TRAM1: variants seen among roughly 807,000 people sequenced by gnomAD.
TRAM1 encodes translocating chain-associated membrane protein 1.
In TRAM1, 17 loss-of-function variants were observed where a neutral mutation model predicts 48.7. The ratio of observed to expected loss-of-function variants is 0.35; its 90% CI spans 0.24 to 0.52. TRAM1 has a LOEUF of 0.52. Among genes scored for constraint, TRAM1 ranks in the 20% least tolerant of loss-of-function variants. TRAM1 has a pLI of 0.94. For missense variants in TRAM1, 351 were observed against 441.5 expected (o/e 0.79, Z 1.84); for synonymous variants, 182 against 154.0 (o/e 1.18, Z -1.34).
intron 6 of TRAM1, 113 bp from the exon 7 acceptor site, chr8:70,587,289 G>A: frequency 1.0e-6 from 1 of 980,804 alleles, no homozygotes; most frequent in Non-Finnish European, 1.5e-6. Context: ...TTGGACTCAA[G>A]AGAACCCCCA....
intron 10 of TRAM1, among the ~76,000 whole-genome samples, chr8:70,579,096 T>C (rs1166864902): frequency 6.6e-6 from 1 of 152,264 alleles, no homozygotes; most frequent in African/African-American, 2.4e-5. Context: ...TATACAGTCA[T>C]GCATCACTTA....
chr8:70,592,635 A>T (rs1817390853), intron 6 of TRAM1, among the ~76,000 whole-genome samples: 1 of 152,230 alleles, frequency 6.6e-6, no homozygotes, highest in South Asian at 2.1e-4. Flanking sequence ...GTCCCTTCTT[A>T]CTTACCATAG....
intron 10 of TRAM1, among the ~76,000 whole-genome samples, chr8:70,575,885 T>C (rs1816935938): frequency 6.6e-6 from 1 of 151,966 alleles, no homozygotes; most frequent in Admixed American, 6.6e-5. Flanking sequence ...AAGACCAGCC[T>C]GGCCAACGTG....
Position 70,582,604 on chromosome 8 carries a change from C to CT in TRAM1, c.1051+559dup, listed in dbSNP as rs556228444. 4.4e-4 allele frequency among the ~76,000 whole-genome samples: 67 copies of CT among 150,948 alleles called. 1 individual carries two copies. Among genetic ancestry groups the CT allele is most frequent in the African/African-American group, 1.6e-3 (65 of 41,140 alleles). On this transcript the variant is annotated intron_variant, in intron 10 of 10. Transcript: ENST00000262213. ...AGGAGTAAACCAGAGTGGACATACT[C>CT]TAAAAACTTCCTGTGTTATAGTTCT...
intron 6 of TRAM1, among the ~76,000 whole-genome samples, chr8:70,592,058 T>C (rs1056672734): frequency 6.6e-6 from 1 of 152,188 alleles, no homozygotes; most frequent in African/African-American, 2.4e-5. Context: ...CAATTATAGG[T>C]ATGTATAATT....
chr8:70,573,701 T>A lies in TRAM1; in HGVS notation c.*1231A>T, dbSNP rs1816870963. 1 of 152,472 alleles carries A rather than the reference T, an allele frequency of 6.6e-6. No individual in the cohort carries two copies. Among genetic ancestry groups the A allele is most frequent in the Admixed American group, 6.6e-5 (1 of 15,256 alleles). 9.4% of individuals were successfully genotyped at this position (152,472 alleles called of 1,614,324 possible). On this transcript the variant is annotated 3_prime_UTR_variant, in exon 11 of 11. Transcript: ENST00000262213. ...AACAGCTGGTGACACAAGTGAGAAATGGGGAACAAGATGTGAACACTGAAA... is the reference window on the plus strand; with the variant it reads ...AACAGCTGGTGACACAAGTGAGAAAAGGGGAACAAGATGTGAACACTGAAA...
Position 70,600,062 on chromosome 8 carries a change from G to T in TRAM1, c.144C>A (p.Ile48=), listed in dbSNP as rs759342148. The stretch of plus-strand genomic sequence containing the variant: ...CATTGTACTGAAGAGTAACAAAAAT[G>T]ATAGAAGCTTTTGCCGTTATCTACA... The part of the protein sequence containing the change: ...LMFEITAKAS[I]IFVTLQYNVT... Residue 48 remains isoleucine (I), a synonymous_variant, in exon 2 of 11, where the codon ATC becomes ATA. Transcript: ENST00000262213. 2 of 1,613,772 alleles carry T rather than the reference G, an allele frequency of 1.2e-6. No individual in the cohort carries two copies. Among genetic ancestry groups the T allele is most frequent in the Non-Finnish European group, 1.7e-6 (2 of 1,179,744 alleles).
intron 8 of TRAM1, 102 bp from the exon 9 acceptor site, chr8:70,583,895 C>T (rs1365285226): frequency 7.4e-7 from 1 of 1,342,764 alleles, no homozygotes; most frequent in South Asian, 1.6e-5. Context: ...CGCCTGTAAT[C>T]CCAGCTACTT....
rs780986231 is a variant in TRAM1, at chr8:70,583,178, G to T, written c.1037C>A (p.Ser346Tyr). 5.6e-6 allele frequency: 9 copies of T among 1,611,930 alleles called. No homozygotes were observed. Among genetic ancestry groups the T allele is most frequent in the Non-Finnish European group, 7.6e-6 (9 of 1,179,346 alleles). Residue 346 changes from serine (S) to tyrosine (Y), a missense_variant, in exon 10 of 11, where the codon TCT becomes TAT. Physicochemically the swap from Ser to Tyr is moderately radical, Grantham distance 144 (BLOSUM62 -2). Coordinates refer to ENST00000262213, the MANE Select transcript of TRAM1 (RefSeq NM_014294.6). ...KKPTVTKGRS[S>Y]KKGTENGVNG... is the part of the protein sequence containing the mutation. Reference sequence around the variant, plus strand: ...TGAATACAAACCTGTTCCTTTTTTAGAAGATCTGCCTTTAGTTACTGTTGG... The same window carrying T: ...TGAATACAAACCTGTTCCTTTTTTATAAGATCTGCCTTTAGTTACTGTTGG...
intron 6 of TRAM1, 67 bp downstream of exon 6, chr8:70,594,439 T>C (rs1464487623): frequency 7.3e-7 from 1 of 1,360,768 alleles, no homozygotes; most frequent in African/African-American, 1.5e-5. Flanking sequence ...AAATACTTAA[T>C]TTTAGAAAAA....
intron 4 of TRAM1, among the ~76,000 whole-genome samples, chr8:70,597,298 G>A (rs542981862): frequency 1.3e-5 from 2 of 152,236 alleles, no homozygotes; most frequent in South Asian, 4.1e-4. Flanking sequence ...TGTTTTTAAA[G>A]GAGGAAATGA....
chr8:70,584,230 T>C (rs1817154194), intron 8 of TRAM1, among the ~76,000 whole-genome samples: 1 of 152,248 alleles, frequency 6.6e-6, no homozygotes. Flanking sequence ...TTATCTCTTT[T>C]CTTGTATAAG....
At chr8:70,604,557 T>A (rs1817679769) in intron 1 of TRAM1, among the ~76,000 whole-genome samples, 1 of 152,028 alleles carries the variant, frequency 6.6e-6, no homozygotes, top group Admixed American at 6.6e-5. Context: ...ACAAGTGTGA[T>A]GATTGGGGTT....
At chr8:70,603,273 T>A (rs1438719426) in intron 1 of TRAM1, among the ~76,000 whole-genome samples, 3 of 149,460 alleles carry the variant, frequency 2.0e-5, no homozygotes, top group Non-Finnish European at 3.0e-5. Flanking sequence ...ACAATATATA[T>A]CTATATATAC....
At position 70,586,914 on chromosome 8, in the gene TRAM1, T is replaced by G. The variant is rs1371318470; in HGVS notation, c.727A>C (p.Asn243His). 1 of 1,613,728 alleles carries G rather than the reference T, an allele frequency of 6.2e-7. No individual in the cohort carries two copies. The highest frequency in any genetic ancestry group is 8.5e-7 in the Non-Finnish European group (1 of 1,179,798). Residue 243 changes from asparagine to histidine, a missense_variant, in exon 8 of 11, where the codon AAT (asparagine) becomes CAT (histidine). Coordinates refer to ENST00000262213, the MANE Select transcript of TRAM1 (RefSeq NM_014294.6). ...FHISRLFYFS[N>H]EKYQKGFSLW... ...ACTTACCCTTTCTGATACTTTTCAT[T>G]GCTAAAATAAAACAGGCGGGAAATG...
intron 10 of TRAM1, among the ~76,000 whole-genome samples, chr8:70,577,571 G>GCT (rs1816985438): frequency 6.6e-6 from 1 of 152,184 alleles, no homozygotes. Context: ...TCTCTGCCTT[G>GCT]CTCACCCTCC....
At chr8:70,592,832 CT>C (rs756555142) in intron 6 of TRAM1, among the ~76,000 whole-genome samples, 4 of 152,230 alleles carry the variant, frequency 2.6e-5, no homozygotes, top group Non-Finnish European at 5.9e-5. Context: ...CATATCTCCT[CT>C]GTTCAAAATG....
At chr8:70,602,506 A>C (rs1317677645) in intron 1 of TRAM1, among the ~76,000 whole-genome samples, 3 of 152,222 alleles carry the variant, frequency 2.0e-5, no homozygotes, top group Non-Finnish European at 4.4e-5. Context: ...GATGGGAAGA[A>C]GGCAGTAATG....
At chr8:70,585,549 A>G (rs1457367893) in intron 8 of TRAM1, among the ~76,000 whole-genome samples, 1 of 119,114 alleles carries the variant, frequency 8.4e-6, no homozygotes, top group Non-Finnish European at 1.9e-5. Context: ...TAATATCCAG[A>G]ATCTACAATG....
Sources: allele counts gnomAD v4.1 joint callset (sites outside exome capture counted in the v4.1 genomes callset), GRCh38; gene constraint gnomAD v4.1.1; transcripts MANE v1.5; gene names NCBI Gene and HGNC (gene_info 2026-07-23, HGNC 2026-07-21).